Variants in RBFOX2 observed in about 807,000 individuals in gnomAD.
RBFOX2 encodes RNA binding fox-1 homolog 2.
RBFOX2 carries 10 observed loss-of-function variants against 49.1 expected under a neutral mutation model. The observed-to-expected ratio is 0.20, with a 90% CI of 0.13 to 0.35. The LOEUF (loss-of-function observed/expected upper bound fraction) is 0.35, where lower values mean the gene tolerates loss of function less well. RBFOX2 is among the 10% of genes least tolerant of loss of function. The pLI is 1.00. For missense variants in RBFOX2, 323 were observed against 486.9 expected, an observed-to-expected ratio of 0.66 and a Z score of 3.17; for synonymous variants, 183 against 187.4, an observed-to-expected ratio of 0.98 and a Z score of 0.19.
At chr22:35,923,456 C>T (rs996559679) in intron 1 of RBFOX2, among the ~76,000 whole-genome samples, 7 of 152,118 alleles carry the variant, frequency 4.6e-5, no homozygotes, top group Non-Finnish European at 8.8e-5. Flanking sequence ...ACTGAAGCCT[C>T]GAACTCCTAG....
At chr22:35,929,751 A>G (rs1376305066) in intron 1 of RBFOX2, among the ~76,000 whole-genome samples, 4 of 152,004 alleles carry the variant, frequency 2.6e-5, no homozygotes, top group Non-Finnish European at 5.9e-5. Flanking sequence ...CTCCCAAAGT[A>G]CTGGTATACA....
intron 2 of RBFOX2, among the ~76,000 whole-genome samples, chr22:35,786,036 A>G (rs1946322283): frequency 6.6e-6 from 1 of 152,254 alleles, no homozygotes. Context: ...CTGCAAGATG[A>G]CAATGTATCA....
In RBFOX2 at chr22:35,924,682, T is replaced by C. The variant is rs1345216416; in HGVS notation, c.-34+14165A>G. Among the ~76,000 whole-genome samples, 4 of 152,368 alleles carry C rather than the reference T, an allele frequency of 2.6e-5. No individual in the cohort carries two copies. In the East Asian group the frequency reaches 7.7e-4, roughly 29 times the overall value. On this transcript the variant is annotated intron_variant, in intron 1 of 13. Coordinates refer to the RBFOX2 transcript ENST00000359369. ...GAAAATCCAAATGGAGTAGTCTCTG[T>C]ATTTCAACAAGCTGAAGTTGAGTTT...
chr22:35,847,724 C>T (rs1287788024), intron 1 of RBFOX2, among the ~76,000 whole-genome samples: 1 of 152,004 alleles, frequency 6.6e-6, no homozygotes, highest in Admixed American at 6.6e-5. Flanking sequence ...TTTAATATCC[C>T]ATTACCTCCA....
chr22:35,750,601 C>T (rs911315796), intron 9 of RBFOX2: 2 of 590,938 alleles, frequency 3.4e-6, no homozygotes, highest in African/African-American at 1.9e-5. Flanking sequence ...CAGATACACA[C>T]ATGCCCCTTT....
intron 1 of RBFOX2, among the ~76,000 whole-genome samples, chr22:36,026,165 C>G (rs1298593669): frequency 6.6e-6 from 1 of 151,326 alleles, no homozygotes; most frequent in Non-Finnish European, 1.5e-5. Context: ...ACTCAGGAAG[C>G]TGAGGCAGGA....
chr22:35,937,912 A>G (rs2053279537), intron 1 of RBFOX2, among the ~76,000 whole-genome samples: 1 of 152,166 alleles, frequency 6.6e-6, no homozygotes, highest in Admixed American at 6.5e-5. Context: ...TTTAAGATCC[A>G]CTTCAGGAGC....
chr22:35,752,240 A>T (rs533321160), intron 9 of RBFOX2, among the ~76,000 whole-genome samples: 1 of 152,154 alleles, frequency 6.6e-6, no homozygotes, highest in Non-Finnish European at 1.5e-5. Flanking sequence ...CTCTTTTCTA[A>T]ATTTATAGTA....
chr22:35,992,679 T>C (rs1222582626), intron 1 of RBFOX2: 1 of 152,218 alleles, frequency 6.6e-6, no homozygotes, highest in African/African-American at 2.4e-5. Flanking sequence ...AATTTACCTT[T>C]ACTGATTATG....
At chr22:35,878,271 A>T (rs1030290495) in intron 1 of RBFOX2, among the ~76,000 whole-genome samples, 2 of 152,146 alleles carry the variant, frequency 1.3e-5, no homozygotes, top group African/African-American at 2.4e-5. Flanking sequence ...GGTGGTATGG[A>T]CCTTTAAACC....
intron 1 of RBFOX2, among the ~76,000 whole-genome samples, chr22:35,960,531 C>T (rs1480314646): frequency 1.3e-5 from 2 of 152,142 alleles, no homozygotes; most frequent in East Asian, 3.8e-4. Flanking sequence ...AAGATGTCGC[C>T]CTGGGAAGGC....
intron 2 of RBFOX2, among the ~76,000 whole-genome samples, chr22:35,803,740 G>A (rs1464975337): frequency 6.6e-6 from 1 of 151,906 alleles, no homozygotes; most frequent in African/African-American, 2.4e-5. Context: ...AATGTAAATG[G>A]AAATTCCAGA....
At chr22:35,840,446 C>A in exon 1 of RBFOX2, 1 of 1,431,422 alleles carries the variant, frequency 7.0e-7, no homozygotes, top group Non-Finnish European at 9.1e-7. Flanking sequence ...CCTCCCATAT[C>A]TCAGGCAGAT....
At chr22:35,971,702 G>A (rs1254588829) in intron 1 of RBFOX2, among the ~76,000 whole-genome samples, 1 of 152,056 alleles carries the variant, frequency 6.6e-6, no homozygotes, top group Non-Finnish European at 1.5e-5. Context: ...GAGGCACAAA[G>A]ACAACATGAG....
chr22:35,988,594 G>A (rs566083481), intron 1 of RBFOX2, among the ~76,000 whole-genome samples: 1 of 152,254 alleles, frequency 6.6e-6, no homozygotes, highest in East Asian at 1.9e-4. Flanking sequence ...AGGGTAGAAG[G>A]AGACATGTTA....
At chr22:35,830,568 G>C (rs561355334) in intron 1 of RBFOX2, among the ~76,000 whole-genome samples, 188 of 152,262 alleles carry the variant, frequency 1.2e-3, no homozygotes, top group African/African-American at 4.3e-3. Flanking sequence ...TACACACCTA[G>C]ACTATATGGC....
At chr22:35,772,298 T>G (rs1011354636) in intron 4 of RBFOX2, among the ~76,000 whole-genome samples, 1 of 152,146 alleles carries the variant, frequency 6.6e-6, no homozygotes, top group Non-Finnish European at 1.5e-5. Flanking sequence ...ACAAACCACA[T>G]ATATAATTTA....
At chr22:35,871,434 G>A (rs148027067) in intron 1 of RBFOX2, among the ~76,000 whole-genome samples, 1 of 152,302 alleles carries the variant, frequency 6.6e-6, no homozygotes, top group Non-Finnish European at 1.5e-5. Context: ...ACAGGGAAAT[G>A]GTGAAGTCCT....
At chr22:35,903,566 C>CTCCA in intron 1 of RBFOX2, among the ~76,000 whole-genome samples, 1 of 152,268 alleles carries the variant, frequency 6.6e-6, no homozygotes, top group African/African-American at 2.4e-5. Context: ...TCTCCCCATG[C>CTCCA]TCCAATATGA....
Sources: gnomAD v4.1 joint callset for allele counts (sites outside exome capture counted in the v4.1 genomes callset) on GRCh38, gnomAD v4.1.1 for gene constraint, MANE v1.5 for transcripts, NCBI Gene and HGNC (gene_info 2026-07-23, HGNC 2026-07-21) for gene names.